The following SDCCAG8 variants were observed in gnomAD, a reference collection of about 807,000 sequenced individuals.
SDCCAG8 encodes the protein SHH signaling and ciliogenesis regulator SDCCAG8.
In SDCCAG8, 74 loss-of-function variants were observed where a neutral mutation model predicts 101.8. That is an observed-to-expected ratio of 0.73 (90% CI 0.60 to 0.88). SDCCAG8 has a LOEUF of 0.88. Among genes scored for constraint, SDCCAG8 ranks in the 40% least tolerant of loss-of-function variants. The probability of loss-of-function intolerance (pLI) is 0.00; values close to 1 mark genes in which losing one functional copy is unlikely to be tolerated. For synonymous variants in SDCCAG8, 281 were observed against 292.9 expected (o/e 0.96, Z 0.41); for missense variants, 787 against 822.6 (o/e 0.96, Z 0.53).
rs781782538 is a variant in SDCCAG8 at position 243,343,223 on chromosome 1, T to C, written c.1357-992T>C. Among the ~76,000 whole-genome samples the C allele has an allele frequency of 3.6e-4, 55 of 152,216 alleles. 1 individual carries two copies. The highest frequency in any genetic ancestry group is 7.1e-4 in the Non-Finnish European group (48 of 68,040). ...TCCAAAATCATTATTTTTGGAGAAA[T>C]ACCAAATACTTGAAAAGTTCCAAGA... is the stretch of plus-strand genomic sequence containing the variant. On this transcript the variant is annotated intron_variant, in intron 11 of 17. Transcript: ENST00000366541.
intron 12 of SDCCAG8, among the ~76,000 whole-genome samples, chr1:243,360,753 T>C (rs2076661444): frequency 6.6e-6 from 1 of 151,880 alleles, no homozygotes. Context: ...ACCCGGGTGG[T>C]GGAGGTTGCG....
chr1:243,296,535 C>CTTTTTTTTTTTTTTTT (rs756242066), intron 6 of SDCCAG8, among the ~76,000 whole-genome samples: 2 of 57,944 alleles, frequency 3.5e-5, no homozygotes, highest in African/African-American at 1.5e-4. Flanking sequence ...CCCAACTGCT[C>CTTTTTTTTTTTTTTTT]TTTTTTTTTT....
chr1:243,310,013 A>G (rs2072564937), intron 8 of SDCCAG8, among the ~76,000 whole-genome samples: 1 of 151,894 alleles, frequency 6.6e-6, no homozygotes, highest in Admixed American at 6.6e-5. Flanking sequence ...ATAGGCGCCC[A>G]CCACCATGCT....
chr1:243,351,140 C>T (rs1407913533), intron 12 of SDCCAG8, among the ~76,000 whole-genome samples: 1 of 152,220 alleles, frequency 6.6e-6, no homozygotes, highest in Non-Finnish European at 1.5e-5. Flanking sequence ...TCTCACTTCT[C>T]CCTCTACAAA....
chr1:243,308,850 C>T (rs1274690035), intron 8 of SDCCAG8, among the ~76,000 whole-genome samples: 1 of 152,172 alleles, frequency 6.6e-6, no homozygotes, highest in Non-Finnish European at 1.5e-5. Context: ...ATATAGAACC[C>T]AGTGGCAGTT....
chr1:243,308,089 G>T lies in SDCCAG8; in HGVS notation c.841G>T (p.Gly281Cys). 6.2e-7 allele frequency: 1 copy of T among 1,614,112 alleles called. No individual in the cohort carries two copies. Among genetic ancestry groups the T allele is most frequent in the Non-Finnish European group, 8.5e-7 (1 of 1,180,016 alleles). The part of the protein sequence containing the change: ...LAANTCNRVG[G>C]LCLKCAQHEA... ...TGCTAATACTTGTAACCGTGTTGGT[G>T]GTCTTTGTTTGAAATGTGCTCAGCA... The change falls in exon 8 of 18, where the codon GGT becomes TGT. Residue 281 changes from glycine to cysteine, a missense_variant. Physicochemically the swap from Gly to Cys is radical, Grantham distance 159 (BLOSUM62 -3). Transcript: ENST00000366541.
intron 16 of SDCCAG8, among the ~76,000 whole-genome samples, chr1:243,437,249 T>C (rs2148076164): frequency 6.6e-6 from 1 of 152,358 alleles, no homozygotes; most frequent in Admixed American, 6.5e-5. Flanking sequence ...TTTTGCTTTA[T>C]TTTGCACCTT....
At position 243,378,923 on chromosome 1, in the gene SDCCAG8, A is replaced by G. The variant is rs1178033253; in HGVS notation, c.1616+60A>G. On this transcript the variant is annotated intron_variant, in intron 13 of 17. Coordinates refer to ENST00000366541, the MANE Select transcript of SDCCAG8 (RefSeq NM_006642.5). ...ATTTCATTCCACTGATTTTTGCCAC[A>G]GGCTTCCAAACAGTTGTTAGAGTTA... is the stretch of plus-strand genomic sequence containing the variant. The G allele has an allele frequency of 1.9e-6, 3 of 1,604,476 alleles. No homozygotes were observed. In the African/African-American group the frequency reaches 4.0e-5, roughly 21 times the overall value.
intron 17 of SDCCAG8, among the ~76,000 whole-genome samples, chr1:243,498,735 G>T (rs544406857): frequency 1.3e-5 from 2 of 152,326 alleles, no homozygotes; most frequent in South Asian, 4.1e-4. Flanking sequence ...TGTTAATGAT[G>T]GCTTAAATTA....
chr1:243,317,327 T>G (rs1313811368), intron 9 of SDCCAG8, among the ~76,000 whole-genome samples: 1 of 151,424 alleles, frequency 6.6e-6, no homozygotes, highest in African/African-American at 2.4e-5. Context: ...GCATTTTTTT[T>G]TTTTTTTTTT....
At chr1:243,273,909 T>TA (rs1398412341) in intron 3 of SDCCAG8, among the ~76,000 whole-genome samples, 1 of 152,078 alleles carries the variant, frequency 6.6e-6, no homozygotes, top group Non-Finnish European at 1.5e-5. Context: ...CATCCATCTT[T>TA]AAAAAAAATG....
At chr1:243,420,685 G>A (rs538322032) in intron 15 of SDCCAG8, among the ~76,000 whole-genome samples, 23 of 152,248 alleles carry the variant, frequency 1.5e-4, no homozygotes, top group African/African-American at 4.6e-4. Flanking sequence ...TAAAACTTAC[G>A]AAAAGTGCAT....
chr1:243,452,414 C>CTTTTT (rs71574667), intron 16 of SDCCAG8, among the ~76,000 whole-genome samples: 1 of 66,672 alleles, frequency 1.5e-5, no homozygotes, highest in Non-Finnish European at 3.0e-5. Context: ...GATCTCATCT[C>CTTTTT]TTTTTTTTTT....
chr1:243,279,116 T>C (rs2068814050), intron 4 of SDCCAG8, among the ~76,000 whole-genome samples: 1 of 152,206 alleles, frequency 6.6e-6, no homozygotes, highest in Admixed American at 6.5e-5. Context: ...AATTGTCTTA[T>C]TGCATTAGCT....
intron 1 of SDCCAG8, among the ~76,000 whole-genome samples, chr1:243,268,670 G>A (rs2067829123): frequency 6.6e-6 from 1 of 152,110 alleles, no homozygotes; most frequent in African/African-American, 2.4e-5. Flanking sequence ...ATTAGATATT[G>A]TATAACAGAG....
At chr1:243,493,063 GC>G (rs1332027297) in intron 17 of SDCCAG8, among the ~76,000 whole-genome samples, 2 of 152,186 alleles carry the variant, frequency 1.3e-5, no homozygotes, top group Admixed American at 1.3e-4. Context: ...CACTAGCCCA[GC>G]TTTGCCTAGA....
chr1:243,442,184 CA>C (rs768272134), intron 16 of SDCCAG8, among the ~76,000 whole-genome samples: 8 of 152,056 alleles, frequency 5.3e-5, no homozygotes, highest in Admixed American at 6.5e-5. Flanking sequence ...TCTATATCAA[CA>C]GTGTTTCTTG....
At chr1:243,293,516 T>G (rs1483488766) in intron 6 of SDCCAG8, 2 of 533,204 alleles carry the variant, frequency 3.8e-6, no homozygotes. Flanking sequence ...TTTGCCTATT[T>G]CAGATACTTG....
At chr1:243,490,178 T>C (rs1025848429) in intron 17 of SDCCAG8, among the ~76,000 whole-genome samples, 2 of 152,384 alleles carry the variant, frequency 1.3e-5, no homozygotes, top group East Asian at 3.8e-4. Context: ...AAGTACTGAC[T>C]TTTCCCACTC....
Sources: allele counts gnomAD v4.1 joint callset (sites outside exome capture counted in the v4.1 genomes callset), GRCh38; gene constraint gnomAD v4.1.1; transcripts MANE v1.5; gene names NCBI Gene and HGNC (gene_info 2026-07-23, HGNC 2026-07-21).